Variants in MEI4 observed in about 807,000 individuals in gnomAD.
MEI4 encodes meiotic double-stranded break formation protein 4.
MEI4 carries 27 observed loss-of-function variants against 31.4 expected under a neutral mutation model. The ratio of observed to expected loss-of-function variants is 0.86; its 90% CI spans 0.63 to 1.19. The LOEUF (loss-of-function observed/expected upper bound fraction) is 1.19, where lower values mean the gene tolerates loss of function less well. MEI4 is among the 50% of genes most tolerant of loss of function. The probability of loss-of-function intolerance (pLI) is 0.00; values close to 1 mark genes in which losing one functional copy is unlikely to be tolerated. For synonymous variants in MEI4, 122 were observed against 145.4 expected (o/e 0.84, Z 1.16); for missense variants, 329 against 398.9 (o/e 0.82, Z 1.49).
intron 1 of MEI4, among the ~76,000 whole-genome samples, chr6:77,654,484 T>C (rs73457403): frequency 0.056 from 8,240 of 147,886 alleles, 782 homozygotes; most frequent in African/African-American, 0.19. Flanking sequence ...AGACCTTCCT[T>C]ATCTGTGGGT....
At chr6:77,787,403 C>T (rs1383370146) in intron 3 of MEI4, among the ~76,000 whole-genome samples, 1 of 152,148 alleles carries the variant, frequency 6.6e-6, no homozygotes, top group Admixed American at 6.6e-5. Flanking sequence ...ATTATCCTTA[C>T]CTGCTTAAGC....
At chr6:77,752,368 C>A (rs1343887853) in intron 2 of MEI4, among the ~76,000 whole-genome samples, 2 of 151,962 alleles carry the variant, frequency 1.3e-5, no homozygotes, top group South Asian at 2.1e-4. Flanking sequence ...ATTTAGAAAC[C>A]CCCATTGTCT....
At chr6:77,749,844 A>G (rs1767721143) in intron 2 of MEI4, among the ~76,000 whole-genome samples, 1 of 152,198 alleles carries the variant, frequency 6.6e-6, no homozygotes, top group Admixed American at 6.5e-5. Context: ...GAAATGAGGG[A>G]AAAAATGTTA....
intron 4 of MEI4, among the ~76,000 whole-genome samples, chr6:77,830,329 T>C (rs1770046994): frequency 1.3e-5 from 2 of 152,054 alleles, no homozygotes; most frequent in South Asian, 4.1e-4. Flanking sequence ...TTGAATTCGA[T>C]TGTTTGGAGG....
At position 77,804,570 on chromosome 6, in the gene MEI4, C is replaced by A. The variant is rs144999595; in HGVS notation, c.769-24361C>A. ...TCACGCTGGGATCTGTAGACTGGAG[C>A]TGTTCCTATTTGGCCATCTTGCCTC... On this transcript the variant is annotated intron_variant, in intron 3 of 4. Coordinates refer to ENST00000684080, the MANE Select transcript of MEI4 (RefSeq NM_001322247.2). Among the ~76,000 whole-genome samples the A allele has an allele frequency of 5.0e-3, 764 of 152,298 alleles. 2 individuals carry two copies. Among genetic ancestry groups the A allele is most frequent in the Middle Eastern group, 0.017 (5 of 294 alleles).
chr6:77,858,725 T>C (rs1405675595), intron 4 of MEI4, among the ~76,000 whole-genome samples: 2 of 152,188 alleles, frequency 1.3e-5, no homozygotes, highest in Non-Finnish European at 2.9e-5. Flanking sequence ...GGAATAGTTA[T>C]TTCCTTTAAA....
intron 1 of MEI4, among the ~76,000 whole-genome samples, chr6:77,681,687 A>T (rs1168637809): frequency 6.6e-6 from 1 of 150,930 alleles, no homozygotes; most frequent in Non-Finnish European, 1.5e-5. Flanking sequence ...GGATGGAATT[A>T]AAAAAAATAG....
chr6:77,872,915 A>C (rs1562020847), intron 4 of MEI4, among the ~76,000 whole-genome samples: 4 of 151,190 alleles, frequency 2.6e-5, no homozygotes, highest in Non-Finnish European at 2.9e-5. Flanking sequence ...TGAACTCATC[A>C]TTTTTTATGG....
chr6:77,805,031 G>T (rs1474707325), intron 3 of MEI4, among the ~76,000 whole-genome samples: 1 of 152,166 alleles, frequency 6.6e-6, no homozygotes, highest in African/African-American at 2.4e-5. Flanking sequence ...ATATTGAGAA[G>T]TGTGTTGTTT....
chr6:77,915,489 T>C (rs988392107), intron 4 of MEI4, among the ~76,000 whole-genome samples: 2 of 152,048 alleles, frequency 1.3e-5, no homozygotes, highest in African/African-American at 4.8e-5. Context: ...GGTTTCTGCT[T>C]AGAAATCCAC....
chr6:77,687,509 A>C (rs939155851), intron 1 of MEI4, among the ~76,000 whole-genome samples: 1 of 152,112 alleles, frequency 6.6e-6, no homozygotes, highest in Admixed American at 6.6e-5. Flanking sequence ...AGTTAGCTTC[A>C]GACTTCACAG....
chr6:77,802,101 G>T (rs1368610753), intron 3 of MEI4, among the ~76,000 whole-genome samples: 1 of 152,156 alleles, frequency 6.6e-6, no homozygotes, highest in African/African-American at 2.4e-5. Context: ...TTGTATGGGA[G>T]TCTAAGTCTC....
intron 4 of MEI4, among the ~76,000 whole-genome samples, chr6:77,844,565 C>CT (rs1562009669): frequency 6.6e-6 from 1 of 152,136 alleles, no homozygotes; most frequent in East Asian, 1.9e-4. Context: ...AAATTGAAAT[C>CT]TTTTTTGTTA....
intron 4 of MEI4, among the ~76,000 whole-genome samples, chr6:77,866,843 CA>C (rs1455207990): frequency 1.3e-5 from 2 of 152,128 alleles, no homozygotes; most frequent in Admixed American, 6.6e-5. Flanking sequence ...TTACAGTAAC[CA>C]AAACAGCGTG....
At chr6:77,873,599 T>C (rs1771254069) in intron 4 of MEI4, among the ~76,000 whole-genome samples, 2 of 152,238 alleles carry the variant, frequency 1.3e-5, no homozygotes, top group Admixed American at 6.5e-5. Context: ...GCAGAAGCTC[T>C]TTAGTTGAAT....
At chr6:77,883,128 A>C (rs1327885034) in intron 4 of MEI4, among the ~76,000 whole-genome samples, 4 of 152,092 alleles carry the variant, frequency 2.6e-5, no homozygotes, top group Non-Finnish European at 4.4e-5. Context: ...TATTAGTTTT[A>C]CCATATGTAT....
chr6:77,693,503 T>C (rs1375087191), intron 2 of MEI4, among the ~76,000 whole-genome samples: 1 of 152,084 alleles, frequency 6.6e-6, no homozygotes, highest in Non-Finnish European at 1.5e-5. Context: ...CACTTTCAGT[T>C]ACAGTGCCTG....
At chr6:77,677,936 G>C (rs1768874827) in intron 1 of MEI4, among the ~76,000 whole-genome samples, 1 of 152,002 alleles carries the variant, frequency 6.6e-6, no homozygotes, top group Non-Finnish European at 1.5e-5. Context: ...TTTTCTTATA[G>C]TAACTGAAAG....
At position 77,849,330 on chromosome 6, in the gene MEI4, G is replaced by T. The variant is rs138058325; in HGVS notation, c.900+20268G>T. 5.0e-3 allele frequency among the ~76,000 whole-genome samples: 757 copies of T among 152,188 alleles called. 2 individuals carry two copies. The highest frequency in any genetic ancestry group is 0.017 in the Middle Eastern group (5 of 294). On this transcript the variant is annotated intron_variant, in intron 4 of 4. Coordinates refer to ENST00000684080, the MANE Select transcript of MEI4 (RefSeq NM_001322247.2). ...CCCTGACAACCTCACAGAAAATAAA[G>T]GATTTAAGCCTCATAGGAGTGAGAG...
Sources: gnomAD v4.1 joint callset for allele counts (sites outside exome capture counted in the v4.1 genomes callset) on GRCh38, gnomAD v4.1.1 for gene constraint, MANE v1.5 for transcripts, NCBI Gene and HGNC (gene_info 2026-07-23, HGNC 2026-07-21) for gene names.